Variants in SIPA1L3 observed in about 807,000 individuals in gnomAD.
SIPA1L3 encodes the protein signal-induced proliferation-associated 1-like protein 3.
A neutral mutation model predicts 150.1 loss-of-function variants in SIPA1L3; 59 were observed. The ratio of observed to expected loss-of-function variants is 0.39; its 90% CI spans 0.32 to 0.49. The LOEUF is 0.49. SIPA1L3 is among the 20% of genes least tolerant of loss of function. SIPA1L3 has a pLI of 0.86. For missense variants in SIPA1L3, 2,211 were observed against 2,489.5 expected, an observed-to-expected ratio of 0.89 and a Z score of 2.38; for synonymous variants, 1,070 against 1,077.6, an observed-to-expected ratio of 0.99 and a Z score of 0.14.
rs190826356 is a variant in SIPA1L3, at chr19:38,125,038, A to T, written c.2868+5156A>T. Among the ~76,000 whole-genome samples, 290 of 148,456 alleles carry T rather than the reference A, an allele frequency of 2.0e-3. 1 individual carries two copies. Among genetic ancestry groups the T allele is most frequent in the African/African-American group, 6.9e-3 (277 of 40,274 alleles). Reference sequence around the variant, plus strand: ...CGTGGGGAGAGGGAGAGGGAGAGGGAGCTGTTTTGTTTTTTGAGATGGAGT... The same window carrying T: ...CGTGGGGAGAGGGAGAGGGAGAGGGTGCTGTTTTGTTTTTTGAGATGGAGT... On this transcript the variant is annotated intron_variant, in intron 9 of 21. Transcript: ENST00000222345.
At chr19:37,928,837 G>GGCAGCACA (rs1260031031) in intron 1 of SIPA1L3, among the ~76,000 whole-genome samples, 1 of 152,136 alleles carries the variant, frequency 6.6e-6, no homozygotes, top group Admixed American at 6.6e-5. Context: ...CCTGTAGGTA[G>GGCAGCACA]GCAGCACAGC....
chr19:38,027,686 C>CTT (rs5827997), intron 1 of SIPA1L3, among the ~76,000 whole-genome samples: 2 of 143,964 alleles, frequency 1.4e-5, no homozygotes, highest in African/African-American at 2.6e-5. Flanking sequence ...ATATAGTACA[C>CTT]TTTTTTTTTT....
At chr19:37,927,236 C>T (rs1456750218) in intron 1 of SIPA1L3, among the ~76,000 whole-genome samples, 3 of 151,618 alleles carry the variant, frequency 2.0e-5, no homozygotes, top group Middle Eastern at 3.4e-3. Context: ...CTCCGCCTCC[C>T]GGGTTTAAGC....
chr19:38,082,568 G>A lies in SIPA1L3; in HGVS notation c.1003G>A (p.Val335Met), dbSNP rs764514299. 6.2e-7 allele frequency: 1 copy of A among 1,604,150 alleles called. No homozygotes were observed. The highest frequency in any genetic ancestry group is 8.5e-7 in the Non-Finnish European group (1 of 1,178,806). Residue 335 changes from valine to methionine, a missense_variant, in exon 3 of 22, where the codon GTG becomes ATG. By Grantham distance (21) the Val-to-Met change is conservative. Transcript: ENST00000222345. ...RSPPEASRPW[V>M]CQKSFAHFDV... Reference sequence around the variant, plus strand: ...CCCCCCGGAAGCCAGCAGGCCGTGGGTGTGTCAGAAGAGCTTCGCCCACTT... The same window carrying A: ...CCCCCCGGAAGCCAGCAGGCCGTGGATGTGTCAGAAGAGCTTCGCCCACTT...
chr19:37,948,974 G>A (rs986686848), intron 1 of SIPA1L3, among the ~76,000 whole-genome samples: 1 of 152,182 alleles, frequency 6.6e-6, no homozygotes, highest in Non-Finnish European at 1.5e-5. Context: ...GGAGGGCAGC[G>A]GGGGAGAATG....
At chr19:37,927,521 CGTGTGTGTGTGTGTGT>C (rs144453861) in intron 1 of SIPA1L3, among the ~76,000 whole-genome samples, 40 of 136,828 alleles carry the variant, frequency 2.9e-4, no homozygotes, top group African/African-American at 3.9e-4. Context: ...GTCTGTTGTT[CGTGTGTGTGTGTGTGT>C]GTGTGTGTGT....
intron 2 of SIPA1L3, among the ~76,000 whole-genome samples, chr19:38,078,874 TC>T: frequency 1.3e-5 from 2 of 152,260 alleles, no homozygotes; most frequent in Middle Eastern, 6.8e-3. Context: ...AGCAGGATTT[TC>T]ATCTTCTAGA....
intron 3 of SIPA1L3, among the ~76,000 whole-genome samples, chr19:38,085,963 T>C (rs1970120829): frequency 6.6e-6 from 1 of 151,698 alleles, no homozygotes; most frequent in African/African-American, 2.4e-5. Flanking sequence ...ACCATCACAA[T>C]CCAGCCTGGG....
chr19:37,928,493 C>A (rs1353977633), intron 1 of SIPA1L3, among the ~76,000 whole-genome samples: 1 of 152,088 alleles, frequency 6.6e-6, no homozygotes, highest in African/African-American at 2.4e-5. Flanking sequence ...ATTGCTTGAA[C>A]CTGGGAGGCT....
intron 1 of SIPA1L3, among the ~76,000 whole-genome samples, chr19:37,983,132 G>A (rs1046702472): frequency 3.3e-5 from 5 of 152,182 alleles, no homozygotes; most frequent in East Asian, 3.8e-4. Flanking sequence ...TTAAAAACAC[G>A]TCTGAACAAA....
At chr19:38,055,687 C>T (rs557227366) in intron 2 of SIPA1L3, among the ~76,000 whole-genome samples, 1 of 152,324 alleles carries the variant, frequency 6.6e-6, no homozygotes, top group Admixed American at 6.5e-5. Flanking sequence ...GGTGCCTGGC[C>T]CTGGAGTAAC....
chr19:38,144,484 C>G (rs146015881), intron 12 of SIPA1L3, among the ~76,000 whole-genome samples: 1 of 152,350 alleles, frequency 6.6e-6, no homozygotes, highest in East Asian at 1.9e-4. Context: ...CAGAGGAGGA[C>G]TTGTTAAAAT....
chr19:37,919,261 T>A (rs1017295466), intron 1 of SIPA1L3, among the ~76,000 whole-genome samples: 2 of 152,188 alleles, frequency 1.3e-5, no homozygotes, highest in African/African-American at 4.8e-5. Context: ...TATCTCCAAC[T>A]GCTGGACAGT....
In SIPA1L3 at chr19:38,159,909, G is replaced by C. The variant is rs144187071; in HGVS notation, c.3662-2344G>C. 1.2e-3 allele frequency among the ~76,000 whole-genome samples: 188 copies of C among 152,298 alleles called. 1 individual carries two copies. The highest frequency in any genetic ancestry group is 4.1e-4 in the Non-Finnish European group (28 of 68,018). On this transcript the variant is annotated intron_variant, in intron 13 of 21. Coordinates refer to ENST00000222345, the MANE Select transcript of SIPA1L3 (RefSeq NM_015073.3). ...AAGTCAGCTTTGGGGTTAAATCACC[G>C]GCGTTCAGCTCCTCAGTTAGTGCAT...
intron 17 of SIPA1L3, 56 bp from the exon 18 acceptor site, chr19:38,193,481 A>T (rs1444688410): frequency 7.1e-7 from 1 of 1,409,174 alleles, no homozygotes; most frequent in East Asian, 2.8e-5. Flanking sequence ...GCCTCTGAGG[A>T]CCCTGGCTAT....
intron 1 of SIPA1L3, among the ~76,000 whole-genome samples, chr19:38,001,303 A>G (rs745777701): frequency 2.0e-5 from 3 of 152,040 alleles, no homozygotes; most frequent in Non-Finnish European, 4.4e-5. Flanking sequence ...CTCAAACTCC[A>G]TTCTTCCGCC....
At chr19:38,099,216 A>G (rs1970443943) in intron 4 of SIPA1L3, among the ~76,000 whole-genome samples, 1 of 151,854 alleles carries the variant, frequency 6.6e-6, no homozygotes, top group South Asian at 2.1e-4. Context: ...TTATATTTTT[A>G]GTAGAGATGG....
chr19:38,198,287 T>G, intron 18 of SIPA1L3, 102 bp from the exon 19 acceptor site: 1 of 1,313,638 alleles, frequency 7.6e-7, no homozygotes, highest in African/African-American at 1.5e-5. Flanking sequence ...GAGGTTTTCC[T>G]GGGCATGTAG....
chr19:37,983,818 A>T (rs189831351), intron 1 of SIPA1L3, among the ~76,000 whole-genome samples: 155 of 151,176 alleles, frequency 1.0e-3, no homozygotes, highest in African/African-American at 3.7e-3. Context: ...AGGTGGGAGG[A>T]TAACTTGAGC....
Sources: gnomAD v4.1 joint callset for allele counts (sites outside exome capture counted in the v4.1 genomes callset) on GRCh38, gnomAD v4.1.1 for gene constraint, MANE v1.5 for transcripts, NCBI Gene and HGNC (gene_info 2026-07-23, HGNC 2026-07-21) for gene names.